RSF1: variants seen among roughly 807,000 people sequenced by gnomAD.
The protein encoded by RSF1 is HBV pX-associated protein 8.
A neutral mutation model predicts 145.2 loss-of-function variants in RSF1; 13 were observed. The ratio of observed to expected loss-of-function variants is 0.09; its 90% confidence interval spans 0.06 to 0.14. RSF1 has a LOEUF of 0.14. Among genes scored for constraint, RSF1 ranks in the 10% least tolerant of loss-of-function variants. The probability of loss-of-function intolerance (pLI) is 1.00; values close to 1 mark genes in which losing one functional copy is unlikely to be tolerated. For synonymous variants in RSF1, 577 were observed against 592.6 expected (o/e 0.97, Z 0.38); for missense variants, 1,517 against 1,718.2 (o/e 0.88, Z 2.07).
At chr11:77,813,709 C>T in intron 1 of RSF1, 1 of 433,870 alleles carries the variant, frequency 2.3e-6, no homozygotes, top group South Asian at 2.0e-5. Context: ...CGACTTGTTC[C>T]TCGGCGAGAG....
chr11:77,778,261 G>A (rs866273143), intron 1 of RSF1, among the ~76,000 whole-genome samples: 6 of 91,172 alleles, frequency 6.6e-5, no homozygotes, highest in African/African-American at 1.3e-4. Flanking sequence ...GGGGAGGGAA[G>A]GGGAGAGGAT....
intron 1 of RSF1, among the ~76,000 whole-genome samples, chr11:77,776,152 C>T (rs1394669204): frequency 6.6e-6 from 1 of 152,056 alleles, no homozygotes; most frequent in Non-Finnish European, 1.5e-5. Context: ...GACTTCAAGG[C>T]TGTAGTGAGT....
At chr11:77,761,218 C>T (rs539389352) in intron 2 of RSF1, among the ~76,000 whole-genome samples, 3 of 152,116 alleles carry the variant, frequency 2.0e-5, no homozygotes, top group Non-Finnish European at 4.4e-5. Flanking sequence ...GGATTACAGG[C>T]GTGAGCCACC....
At chr11:77,823,541 G>C (rs1590914525), upstream of RSF1, among the ~76,000 whole-genome samples, 1 of 146,012 alleles carries the variant, frequency 6.8e-6, no homozygotes, top group East Asian at 2.0e-4. Context: ...ACCAGCCTGG[G>C]CAAGGTAGTG....
At chr11:77,738,851 T>C (rs1330081747) in intron 4 of RSF1, 1 of 151,624 alleles carries the variant, frequency 6.6e-6, no homozygotes, top group Non-Finnish European at 1.5e-5. Context: ...AGCTAATTTT[T>C]TTTTTTTATT....
At chr11:77,778,414 T>C (rs575017889) in intron 1 of RSF1, among the ~76,000 whole-genome samples, 36 of 152,190 alleles carry the variant, frequency 2.4e-4, no homozygotes, top group African/African-American at 7.9e-4. Context: ...ACTGAACAAA[T>C]CTTTTACACT....
chr11:77,830,119 A>G, the RSF1 span: 1 of 152,252 alleles, frequency 6.6e-6, no homozygotes, highest in Non-Finnish European at 1.5e-5. Flanking sequence ...ACAGAGCAAG[A>G]CCCTGTACCT....
At chr11:77,843,144 G>C in the RSF1 span, among the ~76,000 whole-genome samples, 1 of 152,180 alleles carries the variant, frequency 6.6e-6, no homozygotes, top group East Asian at 1.9e-4. Context: ...AGGAATATAG[G>C]AAGGTTCCAG....
chr11:77,678,176 A>G (rs1167805629), intron 11 of RSF1, 23 bp from the exon 12 acceptor site: 3 of 1,335,792 alleles, frequency 2.2e-6, no homozygotes, highest in Admixed American at 2.0e-5. Context: ...CAATGATCAC[A>G]TTATAGCCTG....
chr11:77,832,372 G>A, the RSF1 span, among the ~76,000 whole-genome samples: 1 of 151,732 alleles, frequency 6.6e-6, no homozygotes, highest in East Asian at 1.9e-4. Flanking sequence ...TGTTGCCCAG[G>A]CTGGAGTGCA....
At chr11:77,819,914 AGGAG>A (rs1948833270) in intron 1 of RSF1, among the ~76,000 whole-genome samples, 1 of 151,884 alleles carries the variant, frequency 6.6e-6, no homozygotes, top group African/African-American at 2.4e-5. Flanking sequence ...ACTTCAAGGA[AGGAG>A]TTTTAGGGGT....
At chr11:77,857,154 A>G in the RSF1 span, among the ~76,000 whole-genome samples, 1 of 152,234 alleles carries the variant, frequency 6.6e-6, no homozygotes, top group Non-Finnish European at 1.5e-5. Context: ...GAAGCTCTAT[A>G]GAGTAATTAA....
intron 5 of RSF1, among the ~76,000 whole-genome samples, chr11:77,710,406 T>C (rs910450759): frequency 1.3e-5 from 2 of 152,226 alleles, no homozygotes; most frequent in African/African-American, 4.8e-5. Context: ...ATAGTTTAGT[T>C]TTACAAGTTT....
intron 1 of RSF1, among the ~76,000 whole-genome samples, chr11:77,771,284 T>A (rs919362000): frequency 6.6e-6 from 1 of 152,130 alleles, no homozygotes; most frequent in African/African-American, 2.4e-5. Context: ...ATTTTTGTCA[T>A]TGAAAGGGAA....
intron 5 of RSF1, among the ~76,000 whole-genome samples, chr11:77,713,397 G>T (rs1960732037): frequency 1.3e-5 from 2 of 151,844 alleles, no homozygotes; most frequent in African/African-American, 4.8e-5. Context: ...ATAAAGCACT[G>T]ATGTCAAAAA....
intron 4 of RSF1, among the ~76,000 whole-genome samples, chr11:77,727,324 T>C (rs377556974): frequency 2.6e-5 from 4 of 152,184 alleles, no homozygotes; most frequent in Non-Finnish European, 5.9e-5. Context: ...GAATTCCATA[T>C]GCAACGAATG....
At chr11:77,828,166 T>C in the RSF1 span, among the ~76,000 whole-genome samples, 1 of 152,076 alleles carries the variant, frequency 6.6e-6, no homozygotes, top group Non-Finnish European at 1.5e-5. Context: ...TCCCAGCTAC[T>C]AGGGAGGCTG....
chr11:77,766,718 G>A (rs1948230012), intron 1 of RSF1, among the ~76,000 whole-genome samples: 1 of 152,242 alleles, frequency 6.6e-6, no homozygotes, highest in African/African-American at 2.4e-5. Flanking sequence ...GCCAGGCTCA[G>A]AAGTTTAGAT....
At chr11:77,789,650 C>T (rs760640296) in intron 1 of RSF1, among the ~76,000 whole-genome samples, 3 of 152,200 alleles carry the variant, frequency 2.0e-5, no homozygotes, top group Non-Finnish European at 2.9e-5. Flanking sequence ...TCCACAGTGG[C>T]AGGGCCCCAA....
Sources: allele counts gnomAD v4.1 joint callset (sites outside exome capture counted in the v4.1 genomes callset), GRCh38; gene constraint gnomAD v4.1.1; transcripts MANE v1.5; gene names NCBI Gene and HGNC (gene_info 2026-07-23, HGNC 2026-07-21).